The following PTPRD variants were observed in gnomAD, a reference collection of about 807,000 sequenced individuals.
The protein encoded by PTPRD is receptor-type tyrosine-protein phosphatase delta.
A neutral mutation model predicts 214.5 loss-of-function variants in PTPRD; 34 were observed. The observed-to-expected ratio is 0.16, with a 90% CI of 0.12 to 0.21. PTPRD has a LOEUF of 0.21. Ranked by LOEUF, PTPRD falls within the 10% of genes least tolerant of loss-of-function variation. PTPRD has a pLI of 1.00. For synonymous variants in PTPRD, 1,128 were observed against 845.7 expected, an observed-to-expected ratio of 1.33 and a Z score of -5.79; for missense variants, 2,545 against 2,398.7, an observed-to-expected ratio of 1.06 and a Z score of -1.27.
intron 14 of PTPRD, among the ~76,000 whole-genome samples, chr9:8,608,536 C>G (rs1329789248): frequency 6.6e-6 from 1 of 152,088 alleles, no homozygotes; most frequent in Non-Finnish European, 1.5e-5. Context: ...CACTCAGAGA[C>G]TCTCAGTGTC....
chr9:9,406,139 A>T (rs561883882), intron 8 of PTPRD, among the ~76,000 whole-genome samples: 1 of 152,130 alleles, frequency 6.6e-6, no homozygotes, highest in East Asian at 1.9e-4. Flanking sequence ...TTTTAAGGAG[A>T]ATGTTTGCAT....
At chr9:10,580,134 A>T (rs758993741) in intron 2 of PTPRD, among the ~76,000 whole-genome samples, 2 of 152,200 alleles carry the variant, frequency 1.3e-5, no homozygotes, top group Non-Finnish European at 2.9e-5. Context: ...AATTCAGGAG[A>T]ACCTAGCCTC....
rs967531441 is a variant in PTPRD, at chr9:8,455,389, A to G, written c.3875+5022T>C. Reference sequence around the variant, plus strand: ...CTTATAGATCCTTTCACCTGTGATAATATGTTGATTGTGTAAATAACCATA... The same window carrying G: ...CTTATAGATCCTTTCACCTGTGATAGTATGTTGATTGTGTAAATAACCATA... On this transcript the variant is annotated intron_variant, in intron 33 of 45. Coordinates refer to ENST00000381196, the MANE Select transcript of PTPRD (RefSeq NM_002839.4). Among the ~76,000 whole-genome samples, 7 of 152,328 alleles carry G rather than the reference A, an allele frequency of 4.6e-5. No homozygotes were observed. In the South Asian group the frequency reaches 8.3e-4, roughly 18 times the overall value.
intron 36 of PTPRD, among the ~76,000 whole-genome samples, chr9:8,389,921 T>C (rs547685078): frequency 1.3e-5 from 2 of 152,322 alleles, no homozygotes; most frequent in African/African-American, 2.4e-5. Context: ...AGTCCTGTTA[T>C]GAGTCCTGTC....
intron 11 of PTPRD, among the ~76,000 whole-genome samples, chr9:8,821,543 A>C (rs758687864): frequency 2.0e-5 from 3 of 152,176 alleles, no homozygotes; most frequent in Non-Finnish European, 2.9e-5. Context: ...CCTTTCCCCT[A>C]AGAGTGGAGG....
chr9:10,580,016 G>T (rs565316465), intron 2 of PTPRD, among the ~76,000 whole-genome samples: 2 of 152,068 alleles, frequency 1.3e-5, no homozygotes, highest in African/African-American at 2.4e-5. Context: ...TTTTCACTCA[G>T]TTCTGAAATG....
In PTPRD at chr9:8,439,935, A is replaced by ATTTTTTTTTTTTTTTTTT. The variant is rs1166530719; in HGVS notation, c.3989-3264_3989-3247dup. Reference sequence around the variant, plus strand: ...CATTTAAATTACTTGATGTGCTTTAATTTTTTTTTTTTTTTTTTTTTTTTT... The same window carrying ATTTTTTTTTTTTTTTTTT: ...CATTTAAATTACTTGATGTGCTTTAATTTTTTTTTTTTTTTTTTTTTTTTTTTTTTTTTTTTTTTTTTT... On this transcript the variant is annotated intron_variant, in intron 34 of 45. Transcript: ENST00000381196. Among the ~76,000 whole-genome samples, 118 of 73,318 alleles carry ATTTTTTTTTTTTTTTTTT rather than the reference A, an allele frequency of 1.6e-3. 6 individuals carry two copies. Among genetic ancestry groups the ATTTTTTTTTTTTTTTTTT allele is most frequent in the Non-Finnish European group, 2.3e-3 (93 of 40,506 alleles). The allele number at this position is 73,318 out of a possible 152,430, so 48.1% of individuals were successfully genotyped here.
intron 39 of PTPRD, among the ~76,000 whole-genome samples, chr9:8,355,649 A>C (rs2076801534): frequency 6.6e-6 from 1 of 152,160 alleles, no homozygotes; most frequent in African/African-American, 2.4e-5. Flanking sequence ...AATGGATGCA[A>C]AATGGGAGAT....
At chr9:8,723,009 G>A (rs183516939) in intron 12 of PTPRD, among the ~76,000 whole-genome samples, 42 of 152,270 alleles carry the variant, frequency 2.8e-4, no homozygotes, top group Admixed American at 2.6e-3. Context: ...TACACATTTT[G>A]TCCTAGTAGA....
intron 7 of PTPRD, among the ~76,000 whole-genome samples, chr9:9,694,222 G>A (rs1260783250): frequency 6.6e-6 from 1 of 151,888 alleles, no homozygotes; most frequent in Non-Finnish European, 1.5e-5. Context: ...ATCTGGGCTT[G>A]TTTCTGCCTG....
intron 2 of PTPRD, among the ~76,000 whole-genome samples, chr9:10,538,122 C>T (rs2058261585): frequency 6.6e-6 from 1 of 151,960 alleles, no homozygotes; most frequent in African/African-American, 2.4e-5. Flanking sequence ...CAGCTTGAAT[C>T]ACAGTGCCTA....
intron 4 of PTPRD, among the ~76,000 whole-genome samples, chr9:9,965,409 C>T (rs561245781): frequency 3.2e-4 from 48 of 152,136 alleles, no homozygotes; most frequent in African/African-American, 1.1e-3. Flanking sequence ...TAAATAGTCA[C>T]GGATTAGCAG....
intron 41 of PTPRD, 147 bp from the exon 42 acceptor site, chr9:8,340,616 A>G: frequency 1.3e-6 from 1 of 786,092 alleles, no homozygotes; most frequent in East Asian, 2.8e-5. Context: ...AGATTAAATA[A>G]TCAAATAAGA....
At chr9:10,552,630 C>T (rs2061589980) in intron 2 of PTPRD, among the ~76,000 whole-genome samples, 1 of 152,152 alleles carries the variant, frequency 6.6e-6, no homozygotes, top group African/African-American at 2.4e-5. Context: ...TTTCCTCTCT[C>T]CAACTTCCAT....
intron 3 of PTPRD, among the ~76,000 whole-genome samples, chr9:10,295,683 C>T (rs1405916368): frequency 6.6e-6 from 1 of 151,990 alleles, no homozygotes; most frequent in African/African-American, 2.4e-5. Context: ...TGCTACTTTA[C>T]ATGGCAAAAG....
intron 10 of PTPRD, chr9:9,091,361 A>G: frequency 1.4e-6 from 1 of 704,890 alleles, no homozygotes; most frequent in Non-Finnish European, 2.5e-6. Context: ...GGAACTGTAC[A>G]TTTCTGTAAA....
chr9:9,108,409 A>G (rs1013668143), intron 10 of PTPRD, among the ~76,000 whole-genome samples: 1 of 152,168 alleles, frequency 6.6e-6, no homozygotes, highest in Non-Finnish European at 1.5e-5. Flanking sequence ...AGGCTGTGCT[A>G]TGCTGCAATG....
chr9:9,908,559 T>G (rs2078275652), intron 5 of PTPRD, among the ~76,000 whole-genome samples: 1 of 152,056 alleles, frequency 6.6e-6, no homozygotes, highest in East Asian at 1.9e-4. Context: ...CAAATGATAG[T>G]CCACAGATAA....
intron 5 of PTPRD, among the ~76,000 whole-genome samples, chr9:9,921,768 A>T (rs1036250171): frequency 6.6e-6 from 1 of 151,858 alleles, no homozygotes; most frequent in Admixed American, 6.6e-5. Flanking sequence ...AAAAAAAACT[A>T]AAGATAGTAG....
Sources: allele counts gnomAD v4.1 joint callset (sites outside exome capture counted in the v4.1 genomes callset), GRCh38; gene constraint gnomAD v4.1.1; transcripts MANE v1.5; gene names NCBI Gene and HGNC (gene_info 2026-07-23, HGNC 2026-07-21).